The following TAFA1 variants were observed in gnomAD, a reference collection of about 807,000 sequenced individuals.
The protein encoded by TAFA1 is chemokine-like protein TAFA-1.
In TAFA1, 4 loss-of-function variants were observed where a neutral mutation model predicts 18.5. The ratio of observed to expected loss-of-function variants is 0.22; its 90% confidence interval spans 0.11 to 0.49. The LOEUF is 0.49. Ranked by LOEUF, TAFA1 falls within the 20% of genes least tolerant of loss-of-function variation. TAFA1 has a pLI of 0.98. For missense variants in TAFA1, 147 were observed against 169.0 expected, an observed-to-expected ratio of 0.87 and a Z score of 0.72; for synonymous variants, 56 against 55.2, an observed-to-expected ratio of 1.01 and a Z score of -0.06.
At chr3:68,243,270 A>G (rs2067024828) in intron 2 of TAFA1, among the ~76,000 whole-genome samples, 1 of 152,130 alleles carries the variant, frequency 6.6e-6, no homozygotes, top group Non-Finnish European at 1.5e-5. Context: ...ATCAAGGAAT[A>G]CCAGGAAACT....
chr3:68,083,043 A>G (rs567262084), intron 2 of TAFA1, among the ~76,000 whole-genome samples: 69 of 152,342 alleles, frequency 4.5e-4, no homozygotes, highest in African/African-American at 1.6e-3. Flanking sequence ...AATATTAAAT[A>G]TTAATGAAGA....
intron 3 of TAFA1, among the ~76,000 whole-genome samples, chr3:68,527,266 A>T (rs1219199800): frequency 6.6e-6 from 1 of 152,134 alleles, no homozygotes; most frequent in Non-Finnish European, 1.5e-5. Flanking sequence ...TAAGACAAAG[A>T]GTATTATTAG....
chr3:68,370,098 C>A (rs1377416712), intron 2 of TAFA1, among the ~76,000 whole-genome samples: 1 of 150,212 alleles, frequency 6.7e-6, no homozygotes, highest in African/African-American at 2.5e-5. Flanking sequence ...ACCATCCTGG[C>A]TAACACGGTG....
At chr3:68,045,867 C>T (rs1049034105) in intron 2 of TAFA1, among the ~76,000 whole-genome samples, 1 of 152,260 alleles carries the variant, frequency 6.6e-6, no homozygotes, top group East Asian at 1.9e-4. Context: ...GCTGAGGACA[C>T]TTTGTACTTT....
At chr3:68,034,300 C>T (rs1386707986) in intron 2 of TAFA1, among the ~76,000 whole-genome samples, 2 of 152,148 alleles carry the variant, frequency 1.3e-5, no homozygotes, top group African/African-American at 4.8e-5. Context: ...TAACAGCTAA[C>T]ATGAGACACT....
At chr3:68,070,413 G>A (rs1283611224) in intron 2 of TAFA1, among the ~76,000 whole-genome samples, 2 of 152,202 alleles carry the variant, frequency 1.3e-5, no homozygotes, top group African/African-American at 4.8e-5. Context: ...ACAGCAGGGG[G>A]CCCCTTGGCC....
At chr3:68,045,792 T>G (rs1452226185) in intron 2 of TAFA1, among the ~76,000 whole-genome samples, 2 of 152,202 alleles carry the variant, frequency 1.3e-5, no homozygotes, top group East Asian at 3.8e-4. Flanking sequence ...CACTCTTTAA[T>G]CATTCATTTC....
intron 3 of TAFA1, among the ~76,000 whole-genome samples, chr3:68,487,421 A>G (rs1227614602): frequency 6.6e-6 from 1 of 152,082 alleles, no homozygotes; most frequent in Non-Finnish European, 1.5e-5. Flanking sequence ...GTAAAGATGG[A>G]AGTGTGTGTT....
intron 2 of TAFA1, among the ~76,000 whole-genome samples, chr3:68,088,532 C>A (rs1032659345): frequency 3.3e-5 from 5 of 152,170 alleles, no homozygotes. Flanking sequence ...AAAATGAGAG[C>A]ACAGTGCTGG....
chr3:68,159,880 C>G (rs1171147180), intron 2 of TAFA1, among the ~76,000 whole-genome samples: 3 of 152,170 alleles, frequency 2.0e-5, no homozygotes, highest in Non-Finnish European at 4.4e-5. Flanking sequence ...TAAAAGCATC[C>G]TCTTTCTGCT....
At chr3:68,164,660 TGG>T (rs1553647264) in intron 2 of TAFA1, among the ~76,000 whole-genome samples, 1 of 151,142 alleles carries the variant, frequency 6.6e-6, no homozygotes, top group Non-Finnish European at 1.5e-5. Flanking sequence ...TGTGTGTGTG[TGG>T]GAGGTAGTTA....
At chr3:68,143,737 T>A (rs1034504966) in intron 2 of TAFA1, among the ~76,000 whole-genome samples, 16 of 152,220 alleles carry the variant, frequency 1.1e-4, no homozygotes, top group African/African-American at 3.9e-4. Context: ...GTAGTTGTTT[T>A]ACAGCTTCCC....
chr3:68,310,465 G>A (rs559095343), intron 2 of TAFA1, among the ~76,000 whole-genome samples: 69 of 152,218 alleles, frequency 4.5e-4, no homozygotes, highest in African/African-American at 1.5e-3. Flanking sequence ...AGTTCCTCAT[G>A]TTCCTGATGT....
chr3:68,177,552 A>G (rs1301102833), intron 2 of TAFA1, among the ~76,000 whole-genome samples: 1 of 152,152 alleles, frequency 6.6e-6, no homozygotes, highest in African/African-American at 2.4e-5. Context: ...GATTAGATAT[A>G]TTGTCATCTT....
chr3:68,393,041 T>G (rs561199063), intron 2 of TAFA1, among the ~76,000 whole-genome samples: 1 of 150,808 alleles, frequency 6.6e-6, no homozygotes, highest in South Asian at 2.1e-4. Context: ...AGATGAAAAA[T>G]CCTCCAAAAA....
At chr3:68,078,125 G>A (rs1183844304) in intron 2 of TAFA1, among the ~76,000 whole-genome samples, 1 of 152,034 alleles carries the variant, frequency 6.6e-6, no homozygotes, top group Non-Finnish European at 1.5e-5. Flanking sequence ...TGTTGTTGGT[G>A]TATAAGAATG....
Position 68,536,347 on chromosome 3 carries a change from G to A in TAFA1, c.260-2409G>A, listed in dbSNP as rs375818105. On this transcript the variant is annotated intron_variant, in intron 3 of 4. Transcript: ENST00000478136. The stretch of plus-strand genomic sequence containing the variant: ...TTTGCTTCAGGGTCTACTCCATCCC[G>A]TTTTAATGTTAATCCTCTGTGACAT... Among the ~76,000 whole-genome samples the A allele has an allele frequency of 3.9e-5, 6 of 152,256 alleles. No individual in the cohort carries two copies. In the East Asian group the frequency reaches 5.8e-4, roughly 15 times the overall value.
At chr3:68,167,433 C>T (rs1364503327) in intron 2 of TAFA1, among the ~76,000 whole-genome samples, 3 of 151,980 alleles carry the variant, frequency 2.0e-5, no homozygotes, top group Non-Finnish European at 2.9e-5. Flanking sequence ...AAAAAATTGC[C>T]GGGCGTGGCG....
intron 2 of TAFA1, among the ~76,000 whole-genome samples, chr3:68,257,530 C>T (rs1214948868): frequency 2.0e-5 from 3 of 151,650 alleles, no homozygotes; most frequent in African/African-American, 7.3e-5. Flanking sequence ...CATCAACAAA[C>T]GAACACTTAG....
Sources: gnomAD v4.1 joint callset for allele counts (sites outside exome capture counted in the v4.1 genomes callset) on GRCh38, gnomAD v4.1.1 for gene constraint, MANE v1.5 for transcripts, NCBI Gene and HGNC (gene_info 2026-07-23, HGNC 2026-07-21) for gene names.